Variants in CADM2 observed in about 807,000 individuals in gnomAD.
The protein encoded by CADM2 is cell adhesion molecule 2.
A neutral mutation model predicts 49.8 loss-of-function variants in CADM2; 12 were observed. That is an observed-to-expected ratio of 0.24 (90% confidence interval 0.15 to 0.39). CADM2 has a LOEUF of 0.39. Among genes scored for constraint, CADM2 ranks in the 10% least tolerant of loss-of-function variants. The pLI, the probability that CADM2 is intolerant of heterozygous loss-of-function variation, is 1.00. For synonymous variants in CADM2, 214 were observed against 175.4 expected (o/e 1.22, Z -1.74); for missense variants, 378 against 492.3 (o/e 0.77, Z 2.20).
At chr3:85,167,487 G>C (rs2040501685) in intron 1 of CADM2, among the ~76,000 whole-genome samples, 1 of 152,032 alleles carries the variant, frequency 6.6e-6, no homozygotes, top group South Asian at 2.1e-4. Flanking sequence ...GAAAGCAACT[G>C]TGAGTGCCAA....
intron 2 of CADM2, among the ~76,000 whole-genome samples, chr3:85,767,662 C>A (rs912543470): frequency 1.3e-5 from 2 of 152,076 alleles, no homozygotes; most frequent in East Asian, 3.9e-4. Context: ...CTTCCACATC[C>A]CAAAATGCTA....
intron 1 of CADM2, among the ~76,000 whole-genome samples, chr3:85,012,900 T>C (rs921341925): frequency 1.3e-5 from 2 of 151,836 alleles, no homozygotes; most frequent in African/African-American, 4.8e-5. Flanking sequence ...ATTTGATATA[T>C]AGTATGCATT....
intron 1 of CADM2, among the ~76,000 whole-genome samples, chr3:85,492,050 C>A (rs1339885801): frequency 1.3e-5 from 2 of 151,804 alleles, no homozygotes; most frequent in Non-Finnish European, 2.9e-5. Flanking sequence ...CATCATAGTT[C>A]AACATTTAAT....
At chr3:85,622,301 A>T (rs1162733956) in intron 1 of CADM2, among the ~76,000 whole-genome samples, 1 of 152,162 alleles carries the variant, frequency 6.6e-6, no homozygotes, top group Non-Finnish European at 1.5e-5. Context: ...TCCTCATGAA[A>T]TATAAAATTC....
chr3:85,568,473 C>CTCTCTCTCTTTCTTTCTTTCTTTCTT lies in CADM2; in HGVS notation c.62-158046_62-158045insCTCTCTTTCTTTCTTTCTTTCTTTCT, dbSNP rs1310030589. Among the ~76,000 whole-genome samples the CTCTCTCTCTTTCTTTCTTTCTTTCTT allele has an allele frequency of 2.9e-4, 8 of 27,616 alleles. 2 individuals carry two copies. Among genetic ancestry groups the CTCTCTCTCTTTCTTTCTTTCTTTCTT allele is most frequent in the African/African-American group, 5.4e-4 (7 of 12,948 alleles). 18.1% of individuals were successfully genotyped at this position (27,616 alleles called of 152,430 possible). On this transcript the variant is annotated intron_variant, in intron 1 of 9. Coordinates refer to ENST00000383699, the MANE Select transcript of CADM2 (RefSeq NM_001167675.2). Reference sequence around the variant, plus strand: ...TTTCTTTCTTTCTTTCTCTTTCTCTCTCTTTCTTTCTTTCTTTCTTTCTTT... The same window carrying CTCTCTCTCTTTCTTTCTTTCTTTCTT: ...TTTCTTTCTTTCTTTCTCTTTCTCTCTCTCTCTCTTTCTTTCTTTCTTTCTTTCTTTCTTTCTTTCTTTCTTTCTTT...
At chr3:85,189,241 G>C (rs1161171442) in intron 1 of CADM2, among the ~76,000 whole-genome samples, 1 of 151,880 alleles carries the variant, frequency 6.6e-6, no homozygotes, top group Non-Finnish European at 1.5e-5. Flanking sequence ...GATTTCTTGT[G>C]ATTTGAAAGG....
At chr3:85,637,633 A>C (rs1388216487) in intron 1 of CADM2, among the ~76,000 whole-genome samples, 1 of 134,924 alleles carries the variant, frequency 7.4e-6, no homozygotes, top group Non-Finnish European at 1.5e-5. Context: ...AAATAAAATA[A>C]AATAAATAAA....
At chr3:85,990,013 CAAAAAAAAAAAAA>C (rs58178176) in intron 8 of CADM2, among the ~76,000 whole-genome samples, 24 of 9,640 alleles carry the variant, frequency 2.5e-3, no homozygotes, top group Admixed American at 8.3e-3. Context: ...ACTCCATGTC[CAAAAAAAAAAAAA>C]AAAAAAAAAA....
chr3:84,995,515 G>A (rs1432371396), intron 1 of CADM2, among the ~76,000 whole-genome samples: 1 of 152,134 alleles, frequency 6.6e-6, no homozygotes, highest in Non-Finnish European at 1.5e-5. Context: ...CAGTTGGGTT[G>A]GAATCCTAGC....
At chr3:85,433,517 CA>C in intron 1 of CADM2, among the ~76,000 whole-genome samples, 1 of 152,176 alleles carries the variant, frequency 6.6e-6, no homozygotes, top group East Asian at 1.9e-4. Flanking sequence ...GCCTGGAAAG[CA>C]ATCTCTTGCT....
At chr3:85,787,261 T>A (rs2071048097) in intron 2 of CADM2, among the ~76,000 whole-genome samples, 1 of 152,070 alleles carries the variant, frequency 6.6e-6, no homozygotes, top group African/African-American at 2.4e-5. Flanking sequence ...CTCAAGCTAG[T>A]AAAAGATGGG....
intron 1 of CADM2, among the ~76,000 whole-genome samples, chr3:85,636,317 A>G (rs903323852): frequency 1.3e-5 from 2 of 152,208 alleles, no homozygotes; most frequent in African/African-American, 4.8e-5. Context: ...GCCTTGGTTT[A>G]TAACAAAAAA....
chr3:85,897,548 C>T (rs148191724), intron 5 of CADM2, among the ~76,000 whole-genome samples: 11 of 151,866 alleles, frequency 7.2e-5, no homozygotes, highest in Admixed American at 2.0e-4. Flanking sequence ...GGATTACAGG[C>T]GTGAGCCACC....
intron 8 of CADM2, among the ~76,000 whole-genome samples, chr3:85,996,832 C>A (rs1041979414): frequency 6.6e-6 from 1 of 152,088 alleles, no homozygotes; most frequent in Non-Finnish European, 1.5e-5. Context: ...TTTTCCTAAA[C>A]ATCTAGTTTT....
intron 1 of CADM2, among the ~76,000 whole-genome samples, chr3:85,460,279 GA>G (rs71108293): frequency 8.3e-4 from 125 of 150,386 alleles, no homozygotes; most frequent in Non-Finnish European, 1.5e-3. Context: ...GGGAGGTTCA[GA>G]AAAAAAAATG....
chr3:85,496,352 T>C (rs1367757577), intron 1 of CADM2, among the ~76,000 whole-genome samples: 1 of 152,188 alleles, frequency 6.6e-6, no homozygotes, highest in Non-Finnish European at 1.5e-5. Flanking sequence ...GCTGCATCCA[T>C]GTTGCTGCAA....
intron 3 of CADM2, among the ~76,000 whole-genome samples, chr3:85,807,827 T>C (rs2072549025): frequency 6.6e-6 from 1 of 152,026 alleles, no homozygotes; most frequent in Non-Finnish European, 1.5e-5. Flanking sequence ...GTAGAATATG[T>C]TATTTTTAAC....
intron 1 of CADM2, among the ~76,000 whole-genome samples, chr3:85,220,159 C>T (rs1226763700): frequency 1.3e-5 from 2 of 151,934 alleles, no homozygotes; most frequent in African/African-American, 2.4e-5. Flanking sequence ...CAACAAAATA[C>T]TAGATTTTTG....
rs116085846 is a variant in CADM2 at position 85,740,027 on chromosome 3, T to G, written c.88+13479T>G. On this transcript the variant is annotated intron_variant, in intron 2 of 9. Transcript: ENST00000383699. ...TTTTACCTTAGAAAGAGATCTGTTA[T>G]GAGTAACAGTATTAGATGTTAAAAG... Among the ~76,000 whole-genome samples, 854 of 152,300 alleles carry G rather than the reference T, an allele frequency of 5.6e-3. 8 individuals carry two copies. The highest frequency in any genetic ancestry group is 0.019 in the African/African-American group (803 of 41,578).
Sources: gnomAD v4.1 joint callset for allele counts (sites outside exome capture counted in the v4.1 genomes callset) on GRCh38, gnomAD v4.1.1 for gene constraint, MANE v1.5 for transcripts, NCBI Gene and HGNC (gene_info 2026-07-23, HGNC 2026-07-21) for gene names.